CMTM7: variants seen among roughly 807,000 people sequenced by gnomAD.
The protein encoded by CMTM7 is CKLF like MARVEL transmembrane domain containing 7, also known as CKLF-like MARVEL transmembrane domain-containing protein 7.
CMTM7 carries 7 observed loss-of-function variants against 19.3 expected under a neutral mutation model. That is an observed-to-expected ratio of 0.36 (90% CI 0.21 to 0.68). CMTM7 has a LOEUF of 0.68. CMTM7 is among the 30% of genes least tolerant of loss of function. CMTM7 has a pLI of 0.60. For missense variants in CMTM7, 193 were observed against 232.6 expected (o/e 0.83, Z 1.11); for synonymous variants, 87 against 99.3 (o/e 0.88, Z 0.74).
chr3:32,413,499 T>A (rs936185116), intron 1 of CMTM7, among the ~76,000 whole-genome samples: 8 of 152,224 alleles, frequency 5.3e-5, no homozygotes, highest in African/African-American at 1.9e-4. Context: ...TCCATTTCAT[T>A]TGTACTCAGA....
intron 1 of CMTM7, among the ~76,000 whole-genome samples, chr3:32,402,363 T>C (rs144801856): frequency 0.011 from 1,604 of 152,218 alleles, 33 homozygotes; most frequent in African/African-American, 0.034. Context: ...CCACCCGCCT[T>C]GGCCTCCCAA....
intron 1 of CMTM7, among the ~76,000 whole-genome samples, chr3:32,427,541 A>G (rs1028790814): frequency 1.7e-4 from 26 of 152,226 alleles, no homozygotes; most frequent in Non-Finnish European, 1.5e-5. Context: ...AGGGCTATAT[A>G]GATTTAGATT....
intron 2 of CMTM7, among the ~76,000 whole-genome samples, chr3:32,446,664 G>A (rs997014169): frequency 6.6e-6 from 1 of 152,150 alleles, no homozygotes; most frequent in African/African-American, 2.4e-5. Flanking sequence ...TTTGGATCAT[G>A]GGGGCAGATC....
intron 1 of CMTM7, among the ~76,000 whole-genome samples, chr3:32,420,267 G>T (rs56914157): frequency 0.014 from 2,096 of 152,326 alleles, 47 homozygotes; most frequent in African/African-American, 0.048. Flanking sequence ...CAGAAGCAGA[G>T]CCTGCTTCAT....
chr3:32,454,921 C>G lies in CMTM7; in HGVS notation c.*667C>G, dbSNP rs3871399. 22,260 of 184,498 alleles carry G rather than the reference C, an allele frequency of 0.12. 1,561 individuals are homozygous for G. Among genetic ancestry groups the G allele is most frequent in the East Asian group, 0.17 (1,167 of 6,720 alleles). 11.4% of individuals were successfully genotyped at this position (184,498 alleles called of 1,614,324 possible). On this transcript the variant is annotated 3_prime_UTR_variant, in exon 5 of 5. Transcript: ENST00000334983. Reference sequence around the variant, plus strand: ...GTTTCCATTCGAGCTTGTGTCTGGCCCATGGCCCTCCACCCGTGCTCTGTG... The same window carrying G: ...GTTTCCATTCGAGCTTGTGTCTGGCGCATGGCCCTCCACCCGTGCTCTGTG...
intron 1 of CMTM7, among the ~76,000 whole-genome samples, chr3:32,416,319 C>T (rs530399479): frequency 3.3e-5 from 5 of 150,978 alleles, no homozygotes; most frequent in African/African-American, 1.2e-4. Flanking sequence ...CCTCAGCCTC[C>T]TGAGTAGCTG....
At chr3:32,451,777 G>T (rs1378629198) in intron 3 of CMTM7, 2 of 260,758 alleles carry the variant, frequency 7.7e-6, no homozygotes, top group Non-Finnish European at 1.5e-5. Flanking sequence ...CTACAAGTGA[G>T]GGGGCTGGGC....
At chr3:32,397,783 G>C (rs1431222624) in intron 1 of CMTM7, among the ~76,000 whole-genome samples, 2 of 151,898 alleles carry the variant, frequency 1.3e-5, no homozygotes, top group Non-Finnish European at 2.9e-5. Flanking sequence ...AACATCATGT[G>C]ACCAAGACTG....
chr3:32,419,985 A>T (rs1696320761), intron 1 of CMTM7, among the ~76,000 whole-genome samples: 1 of 152,118 alleles, frequency 6.6e-6, no homozygotes, highest in Admixed American at 6.5e-5. Flanking sequence ...TGTTAGAAAA[A>T]CTTGAAGTTA....
chr3:32,405,947 A>C (rs1264909181), intron 1 of CMTM7, among the ~76,000 whole-genome samples: 1 of 152,220 alleles, frequency 6.6e-6, no homozygotes, highest in Non-Finnish European at 1.5e-5. Flanking sequence ...TACACGATCA[A>C]GATTCAGAAT....
chr3:32,420,591 A>G (rs2125630030), intron 1 of CMTM7, among the ~76,000 whole-genome samples: 1 of 152,374 alleles, frequency 6.6e-6, no homozygotes, highest in South Asian at 2.1e-4. Flanking sequence ...CACAATGATC[A>G]TGCCTTTGAA....
chr3:32,442,779 C>T (rs1559413914), intron 2 of CMTM7, among the ~76,000 whole-genome samples: 1 of 152,158 alleles, frequency 6.6e-6, no homozygotes, highest in Non-Finnish European at 1.5e-5. Flanking sequence ...AGATGCAGTT[C>T]ATATGCCGTA....
At chr3:32,404,162 C>CTTTTTTTTTTTTTTTTTTTTT (rs5847761) in intron 1 of CMTM7, among the ~76,000 whole-genome samples, 7 of 74,664 alleles carry the variant, frequency 9.4e-5, no homozygotes, top group African/African-American at 2.0e-4. Context: ...CTTTTTTTTT[C>CTTTTTTTTTTTTTTTTTTTTT]TTTTTTTTTT....
intron 1 of CMTM7, among the ~76,000 whole-genome samples, chr3:32,397,941 AG>A (rs1211949717): frequency 6.6e-6 from 1 of 152,174 alleles, no homozygotes; most frequent in African/African-American, 2.4e-5. Flanking sequence ...ACGTTCTGAT[AG>A]TTGCCCACCT....
Position 32,441,102 on chromosome 3 carries a change from C to T in CMTM7, c.160-738C>T, listed in dbSNP as rs138407433. Among the ~76,000 whole-genome samples, 7 of 152,344 alleles carry T rather than the reference C, an allele frequency of 4.6e-5. No homozygotes were observed. In the East Asian group the frequency reaches 1.4e-3, roughly 29 times the overall value. On this transcript the variant is annotated intron_variant, in intron 1 of 4. Transcript: ENST00000334983. ...CCTGCATGGTTGAGAACCCGTCCAC[C>T]TTTCTCGGCTTGTTATGATCAGAGC...
At chr3:32,395,649 G>T (rs1695904649) in intron 1 of CMTM7, among the ~76,000 whole-genome samples, 1 of 152,208 alleles carries the variant, frequency 6.6e-6, no homozygotes, top group Non-Finnish European at 1.5e-5. Context: ...TGATGAAGAT[G>T]TGGAGGATGT....
At chr3:32,409,075 G>T (rs1696134874) in intron 1 of CMTM7, among the ~76,000 whole-genome samples, 1 of 151,966 alleles carries the variant, frequency 6.6e-6, no homozygotes, top group Non-Finnish European at 1.5e-5. Flanking sequence ...TAGAGGCGGG[G>T]TTTCTCCATG....
chr3:32,442,034 T>C (rs1275680231), intron 2 of CMTM7, 21 bp downstream of exon 2: 1 of 1,611,154 alleles, frequency 6.2e-7, no homozygotes, highest in Non-Finnish European at 8.5e-7. Context: ...GGTCTGGCCC[T>C]GTCCTCCGCA....
chr3:32,451,319 G>C (rs1696826020), intron 3 of CMTM7: 1 of 152,268 alleles, frequency 6.6e-6, no homozygotes, highest in Non-Finnish European at 1.5e-5. Flanking sequence ...ACCAGTGGCG[G>C]TGTAGTGAAG....
Sources: allele counts gnomAD v4.1 joint callset (sites outside exome capture counted in the v4.1 genomes callset), GRCh38; gene constraint gnomAD v4.1.1; transcripts MANE v1.5; gene names NCBI Gene and HGNC (gene_info 2026-07-23, HGNC 2026-07-21).